The following PAX5 variants were observed in gnomAD, a reference collection of about 807,000 sequenced individuals.
PAX5 encodes the protein paired box 5.
Under a neutral mutation model 43.7 loss-of-function variants are expected in PAX5, and 9 were observed. The observed-to-expected ratio is 0.21, with a 90% CI of 0.12 to 0.36. The LOEUF (loss-of-function observed/expected upper bound fraction) is 0.36. Among genes scored for constraint, PAX5 ranks in the 10% least tolerant of loss-of-function variants. The probability of loss-of-function intolerance (pLI) is 1.00; values close to 1 mark genes in which losing one functional copy is unlikely to be tolerated. For missense variants in PAX5, 383 were observed against 532.7 expected, an observed-to-expected ratio of 0.72 and a Z score of 2.77; for synonymous variants, 228 against 214.3, an observed-to-expected ratio of 1.06 and a Z score of -0.56.
In PAX5 at chr9:37,002,681, T is replaced by A; in HGVS notation, c.571A>T (p.Ser191Cys). The change falls in exon 5 of 10, where the codon AGC (serine) becomes TGC (cysteine). Residue 191 changes from serine (S) to cysteine (C), a missense_variant. Coordinates refer to ENST00000358127, the MANE Select transcript of PAX5 (RefSeq NM_016734.3). ...CTCTTGCGCTTGTTGGTGTCGGCGCTGGGGGACGTGATGCCCAGGATGCCG... is the reference window on the plus strand; with the variant it reads ...CTCTTGCGCTTGTTGGTGTCGGCGCAGGGGGACGTGATGCCCAGGATGCCG... ...ISGILGITSP[S>C]ADTNKRKRDE... The A allele has an allele frequency of 1.2e-6, 2 of 1,611,524 alleles. No homozygotes were observed. Among genetic ancestry groups the A allele is most frequent in the East Asian group, 2.2e-5 (1 of 44,790 alleles).
At chr9:36,955,333 A>G (rs1233301491) in intron 6 of PAX5, among the ~76,000 whole-genome samples, 1 of 152,238 alleles carries the variant, frequency 6.6e-6, no homozygotes, top group Non-Finnish European at 1.5e-5. Context: ...GGAAGGAGCC[A>G]GATGAAAGTT....
intron 8 of PAX5, among the ~76,000 whole-genome samples, chr9:36,869,938 A>G (rs7860543): frequency 1.6e-3 from 76 of 47,666 alleles, no homozygotes; most frequent in African/African-American, 3.9e-3. Flanking sequence ...ATGGATGGAT[A>G]AATGGATGGA....
At chr9:36,953,033 G>T (rs1385800693) in intron 6 of PAX5, among the ~76,000 whole-genome samples, 1 of 152,100 alleles carries the variant, frequency 6.6e-6, no homozygotes, top group East Asian at 1.9e-4. Context: ...AAGTCTGCTG[G>T]TGATGAATTT....
intron 6 of PAX5, among the ~76,000 whole-genome samples, chr9:36,947,027 T>C (rs1241570417): frequency 6.6e-6 from 1 of 152,248 alleles, no homozygotes; most frequent in African/African-American, 2.4e-5. Context: ...CCAGGGCACA[T>C]ATATCACAGG....
chr9:37,025,934 G>A (rs187438707), intron 1 of PAX5, among the ~76,000 whole-genome samples: 38 of 152,304 alleles, frequency 2.5e-4, no homozygotes, highest in African/African-American at 8.9e-4. Context: ...TGTATGAACT[G>A]GCCGGCTCCT....
chr9:36,898,434 G>T (rs1828062800), intron 7 of PAX5, among the ~76,000 whole-genome samples: 1 of 152,088 alleles, frequency 6.6e-6, no homozygotes, highest in Non-Finnish European at 1.5e-5. Context: ...CATGTGTAAA[G>T]GGCCTCTCTT....
At chr9:36,857,251 A>G (rs749099613) in intron 8 of PAX5, among the ~76,000 whole-genome samples, 6 of 152,180 alleles carry the variant, frequency 3.9e-5, no homozygotes, top group Non-Finnish European at 8.8e-5. Context: ...CTGTCCTCCT[A>G]TACTAAATTT....
intron 9 of PAX5, among the ~76,000 whole-genome samples, chr9:36,841,286 G>T (rs1012101678): frequency 1.3e-5 from 2 of 152,230 alleles, no homozygotes; most frequent in Non-Finnish European, 2.9e-5. Flanking sequence ...CCCTGCTAGG[G>T]CCTGTGCATG....
rs374847611 is a variant in PAX5, at chr9:36,954,360, G to A, written c.780+12189C>T. Among the ~76,000 whole-genome samples, 10 of 152,234 alleles carry A rather than the reference G, an allele frequency of 6.6e-5. No homozygotes were observed. The East Asian group carries it at 1.3e-3, about 21-fold the overall frequency. ...AATGGTGTCAAAACTCCACTTGTCA[G>A]AGCTGAAACTGCAAGTCTCTCATAT... is the stretch of plus-strand genomic sequence containing the variant. On this transcript the variant is annotated intron_variant, in intron 6 of 9. Transcript: ENST00000358127.
At position 37,004,012 on chromosome 9, in the gene PAX5, T is replaced by C. The variant is rs543656241; in HGVS notation, c.476-1236A>G. On this transcript the variant is annotated intron_variant, in intron 4 of 9. Coordinates refer to ENST00000358127, the MANE Select transcript of PAX5 (RefSeq NM_016734.3). ...TGCAACAGCCCAGAGTGCTATTATTTATCCCCATTTATCAAATAAGGAAAC... is the reference window on the plus strand; with the variant it reads ...TGCAACAGCCCAGAGTGCTATTATTCATCCCCATTTATCAAATAAGGAAAC... 4.6e-5 allele frequency among the ~76,000 whole-genome samples: 7 copies of C among 152,358 alleles called. No homozygotes were observed. The East Asian group carries it at 1.2e-3, about 25-fold the overall frequency.
rs991172372 is a variant in PAX5, at chr9:36,839,515, A to G, written c.*1045T>C. 8 of 233,258 alleles carry G rather than the reference A, an allele frequency of 3.4e-5. No homozygotes were observed. The highest frequency in any genetic ancestry group is 4.4e-5 in the African/African-American group (2 of 45,350). The allele number at this position is 233,258 out of a possible 1,614,324, so 14.4% of individuals were successfully genotyped here. On this transcript the variant is annotated 3_prime_UTR_variant, in exon 10 of 10. Coordinates refer to ENST00000358127, the MANE Select transcript of PAX5 (RefSeq NM_016734.3). The stretch of plus-strand genomic sequence containing the variant: ...CTCTGTGTTAATTATTGTCTACATC[A>G]CCGGAACAGGCTTGCCCAGAATCCA...
At chr9:36,901,194 GC>G (rs774452303) in intron 7 of PAX5, among the ~76,000 whole-genome samples, 5 of 152,088 alleles carry the variant, frequency 3.3e-5, no homozygotes, top group East Asian at 3.9e-4. Context: ...TGCAAGGTCT[GC>G]CCCCAGGTCT....
At position 36,882,236 on chromosome 9, in the gene PAX5, CCT is replaced by C. The variant is rs1826499456; in HGVS notation, c.911-133_911-132del. ...AACGGCAATGTGCCCCCAGCTCCCC[CCT>C]GTCGCTCACACGCTCTCACAAACAC... On this transcript the variant is annotated intron_variant, in intron 7 of 9. Coordinates refer to ENST00000358127, the MANE Select transcript of PAX5 (RefSeq NM_016734.3). This position sits in a 1 kb window ranked among gnomAD's most constrained non-coding sequence, Gnocchi z 4.4. The C allele has an allele frequency of 4.7e-6, 3 of 643,274 alleles. No individual in the cohort carries two copies. The highest frequency in any genetic ancestry group is 3.0e-5 in the Admixed American group (1 of 33,400). The allele number at this position is 643,274 out of a possible 1,614,324, so 39.8% of individuals were successfully genotyped here.
intron 5 of PAX5, among the ~76,000 whole-genome samples, chr9:36,987,512 T>C (rs1201179290): frequency 1.3e-5 from 2 of 152,208 alleles, no homozygotes; most frequent in Non-Finnish European, 2.9e-5. Context: ...CTCTCTCTGG[T>C]GCCAGTAGGA....
At chr9:36,914,211 T>C (rs575192470) in intron 7 of PAX5, among the ~76,000 whole-genome samples, 3 of 152,360 alleles carry the variant, frequency 2.0e-5, no homozygotes, top group African/African-American at 7.2e-5. Context: ...TACAAGTATT[T>C]GAATCTAGAA....
chr9:36,989,610 G>A (rs1399222010), intron 5 of PAX5, among the ~76,000 whole-genome samples: 1 of 152,188 alleles, frequency 6.6e-6, no homozygotes, highest in Non-Finnish European at 1.5e-5. Flanking sequence ...GGCAGAAAGA[G>A]GACCACAGGC....
At chr9:36,879,664 C>T (rs1040137531) in intron 8 of PAX5, among the ~76,000 whole-genome samples, 28 of 152,230 alleles carry the variant, frequency 1.8e-4, no homozygotes, top group Non-Finnish European at 1.8e-4. Context: ...CGGGGCTTCT[C>T]TGGCCCTTTT....
At chr9:36,888,425 T>C (rs1827086399) in intron 7 of PAX5, among the ~76,000 whole-genome samples, 1 of 152,260 alleles carries the variant, frequency 6.6e-6, no homozygotes, top group Non-Finnish European at 1.5e-5. Context: ...AATGGAATAT[T>C]TGGCAATAAA....
chr9:37,025,648 A>G (rs946033698), intron 1 of PAX5, among the ~76,000 whole-genome samples: 8 of 152,180 alleles, frequency 5.3e-5, no homozygotes, highest in Non-Finnish European at 8.8e-5. Flanking sequence ...ACTCACCGTG[A>G]GAGGAGCGCT....
Sources: gnomAD v4.1 joint callset for allele counts (sites outside exome capture counted in the v4.1 genomes callset) on GRCh38, gnomAD v4.1.1 for gene constraint, Gnocchi (gnomAD v3.1) non-coding constraint, MANE v1.5 for transcripts, NCBI Gene and HGNC (gene_info 2026-07-23, HGNC 2026-07-21) for gene names.